The following CEP89 variants were observed in gnomAD, a reference collection of about 807,000 sequenced individuals.
CEP89 encodes the protein centrosomal protein 89.
A neutral mutation model predicts 97.6 loss-of-function variants in CEP89; 95 were observed. The ratio of observed to expected loss-of-function variants is 0.97; its 90% CI spans 0.82 to 1.15. CEP89 has a LOEUF of 1.15. CEP89 is among the 50% of genes most tolerant of loss of function. The pLI is 0.00. For synonymous variants in CEP89, 354 were observed against 349.1 expected (o/e 1.01, Z -0.16); for missense variants, 869 against 947.7 (o/e 0.92, Z 1.09).
chr19:32,891,231 C>T (rs1324583876), intron 16 of CEP89, among the ~76,000 whole-genome samples: 1 of 152,176 alleles, frequency 6.6e-6, no homozygotes, highest in East Asian at 1.9e-4. Context: ...GCTTCCCCTG[C>T]CCAATGCCTC....
intron 8 of CEP89, 30 bp downstream of exon 8, chr19:32,933,421 C>T: frequency 2.0e-6 from 3 of 1,478,010 alleles, no homozygotes; most frequent in Non-Finnish European, 2.8e-6. Context: ...CTGCTCATTC[C>T]TCTAATAAAG....
Position 32,879,157 on chromosome 19 carries a change from A to G in CEP89, c.*5T>C. On this transcript the variant is annotated 3_prime_UTR_variant, in exon 19 of 19. Transcript: ENST00000305768. Reference sequence around the variant, plus strand: ...AGGAGGCTACACCACGGGCTCCCGCAGATTCTAGCAGGTGGGGGCATGAGA... The same window carrying G: ...AGGAGGCTACACCACGGGCTCCCGCGGATTCTAGCAGGTGGGGGCATGAGA... 6.2e-7 allele frequency: 1 copy of G among 1,603,316 alleles called. No homozygotes were observed. Among genetic ancestry groups the G allele is most frequent in the Non-Finnish European group, 8.5e-7 (1 of 1,173,404 alleles).
intron 5 of CEP89, among the ~76,000 whole-genome samples, 182 bp from the exon 6 acceptor site, chr19:32,940,067 A>C (rs1174537597): frequency 6.6e-6 from 1 of 152,102 alleles, no homozygotes; most frequent in Non-Finnish European, 1.5e-5. Context: ...CCTGACTCTA[A>C]ATTGTCATCT....
In CEP89 at chr19:32,959,948, T is replaced by C. The variant is rs778550260; in HGVS notation, c.257A>G (p.Gln86Arg). 3.7e-6 allele frequency: 6 copies of C among 1,614,216 alleles called. No individual in the cohort carries two copies. The East Asian group carries it at 1.3e-4, about 36-fold the overall frequency. Residue 86 changes from glutamine (Q) to arginine (R), a missense_variant, in exon 3 of 19, where the codon CAG (glutamine) becomes CGG (arginine). Physicochemically the swap from Gln to Arg is conservative, Grantham distance 43. Transcript: ENST00000305768. ...GGCATAGGGCTCGATGAAGCTGTCCTGTTCAACACTGCTCACATCACTCTC... is the reference window on the plus strand; with the variant it reads ...GGCATAGGGCTCGATGAAGCTGTCCCGTTCAACACTGCTCACATCACTCTC... ...RSESDVSSVEQDSFIEPYATT... is the reference protein window; with the variant it reads ...RSESDVSSVERDSFIEPYATT...
rs139609192 is a variant in CEP89 at position 32,932,207 on chromosome 19, A to C, written c.887-636T>G. ...CAAAAAAAAAAAAAGAAAGAGAAAAATCATATAGAATACATGGAAAATGTA... is the reference window on the plus strand; with the variant it reads ...CAAAAAAAAAAAAAGAAAGAGAAAACTCATATAGAATACATGGAAAATGTA... On this transcript the variant is annotated intron_variant, in intron 8 of 18. Transcript: ENST00000305768. Among the ~76,000 whole-genome samples, 1,156 of 152,058 alleles carry C rather than the reference A, an allele frequency of 7.6e-3. 4 individuals carry two copies. The highest frequency in any genetic ancestry group is 0.013 in the Non-Finnish European group (859 of 67,990).
rs74954479 is a variant in CEP89, at chr19:32,953,690, T to C, written c.417A>G (p.Glu139=). ...CCTCCCGGGCACTGACATCCCCCAATTCCTTGCCGCTGGATGACAGCTGAG... is the reference window on the plus strand; with the variant it reads ...CCTCCCGGGCACTGACATCCCCCAACTCCTTGCCGCTGGATGACAGCTGAG... The part of the protein sequence containing the change: ...IETQLSSSGK[E]LGDVSAREDR... The change falls in exon 4 of 19, where the codon GAA becomes GAG. Residue 139 remains glutamate (E), a synonymous_variant. Coordinates refer to ENST00000305768, the MANE Select transcript of CEP89 (RefSeq NM_032816.5). 1.2e-4 allele frequency: 189 copies of C among 1,614,014 alleles called. 1 individual carries two copies. In the African/African-American group the frequency reaches 2.3e-3, roughly 20 times the overall value.
intron 4 of CEP89, 57 bp downstream of exon 4, chr19:32,953,558 A>G: frequency 7.2e-7 from 1 of 1,397,818 alleles, no homozygotes; most frequent in Non-Finnish European, 9.8e-7. Context: ...GCACTAATTT[A>G]CCAAAAGTTA....
rs929776350 is a variant in CEP89 at position 32,936,985 on chromosome 19, C to G, written c.667+646G>C. 6.5e-6 allele frequency: 1 copy of G among 154,072 alleles called. No individual in the cohort carries two copies. Among genetic ancestry groups the G allele is most frequent in the Non-Finnish European group, 1.4e-5 (1 of 69,614 alleles). The allele number at this position is 154,072 out of a possible 1,614,324, so 9.5% of individuals were successfully genotyped here. A position where few individuals can be genotyped will look rare whatever the true frequency, so the allele number is the denominator to read the frequency against. On this transcript the variant is annotated intron_variant, in intron 7 of 18. Transcript: ENST00000305768. The surrounding 1 kb of genome is among the most constrained non-coding windows in gnomAD (Gnocchi z 4.5). Reference sequence around the variant, plus strand: ...AACATGCAGTAAAGCTCCTCTTCGTCTTGCTCACCCTCCACTTGTCTGCTT... The same window carrying G: ...AACATGCAGTAAAGCTCCTCTTCGTGTTGCTCACCCTCCACTTGTCTGCTT...
chr19:32,963,952 AC>A (rs1971228341), intron 2 of CEP89: 2 of 67,072 alleles, frequency 3.0e-5, no homozygotes, highest in African/African-American at 1.2e-4. Flanking sequence ...ACACACACAC[AC>A]ACACACACAC....
intron 11 of CEP89, 92 bp downstream of exon 11, chr19:32,926,098 G>A: frequency 1.1e-6 from 1 of 891,066 alleles, no homozygotes; most frequent in Non-Finnish European, 1.9e-6. Context: ...ATAATATGCT[G>A]GGTATACCTA....
intron 5 of CEP89, among the ~76,000 whole-genome samples, chr19:32,942,947 G>A (rs943494403): frequency 7.9e-5 from 12 of 151,130 alleles, no homozygotes; most frequent in African/African-American, 2.9e-4. Flanking sequence ...CCGAGCTCAA[G>A]CGATCTTCCT....
At chr19:32,902,108 T>C (rs182452161) in intron 14 of CEP89, among the ~76,000 whole-genome samples, 1 of 151,934 alleles carries the variant, frequency 6.6e-6, no homozygotes, top group Admixed American at 6.6e-5. Context: ...TACATGGTTA[T>C]AAATGCCAGA....
At chr19:32,941,359 C>T (rs536952903) in intron 5 of CEP89, among the ~76,000 whole-genome samples, 6 of 151,666 alleles carry the variant, frequency 4.0e-5, no homozygotes, top group South Asian at 2.1e-4. Flanking sequence ...AAAAATTAGC[C>T]GGGCATGGTG....
At chr19:32,965,224 C>A (rs1971255466) in intron 2 of CEP89, among the ~76,000 whole-genome samples, 2 of 152,078 alleles carry the variant, frequency 1.3e-5, no homozygotes, top group South Asian at 4.1e-4. Flanking sequence ...CATAGTGAGA[C>A]CTCCATCTCT....
At chr19:32,946,997 T>C (rs1201530389) in intron 5 of CEP89, among the ~76,000 whole-genome samples, 1 of 152,128 alleles carries the variant, frequency 6.6e-6, no homozygotes, top group Non-Finnish European at 1.5e-5. Flanking sequence ...TTTACATAAA[T>C]CTAATATTTA....
intron 16 of CEP89, among the ~76,000 whole-genome samples, chr19:32,889,935 G>A (rs1276858289): frequency 1.3e-5 from 2 of 152,126 alleles, no homozygotes; most frequent in African/African-American, 4.8e-5. Flanking sequence ...GAGAGTGCCA[G>A]GGTTCAGCTG....
chr19:32,940,218 T>A (rs1003677111), intron 5 of CEP89, among the ~76,000 whole-genome samples: 3 of 146,812 alleles, frequency 2.0e-5, no homozygotes, highest in Non-Finnish European at 4.5e-5. Context: ...TCTCCACACA[T>A]CTTCCCATGC....
rs781640704 is a variant in CEP89 at position 32,915,331 on chromosome 19, C to A, written c.1565+6G>T. 2.5e-5 allele frequency: 40 copies of A among 1,572,904 alleles called. No individual in the cohort carries two copies. Among genetic ancestry groups the A allele is most frequent in the Non-Finnish European group, 3.2e-5 (37 of 1,162,370 alleles). ...AAAAAAAAAAGAAAAAACATTAAATCCTTACCTTTTTAATTCATTCACAAT... is the reference window on the plus strand; with the variant it reads ...AAAAAAAAAAGAAAAAACATTAAATACTTACCTTTTTAATTCATTCACAAT... On this transcript the variant is annotated splice_donor_region_variant and intron_variant, in intron 14 of 18. Transcript: ENST00000305768.
intron 2 of CEP89, among the ~76,000 whole-genome samples, chr19:32,965,253 T>C (rs1192208972): frequency 6.6e-6 from 1 of 152,058 alleles, no homozygotes; most frequent in East Asian, 1.9e-4. Flanking sequence ...TTTAAAAAAT[T>C]AGCCAGGCAT....
Sources: allele counts gnomAD v4.1 joint callset (sites outside exome capture counted in the v4.1 genomes callset), GRCh38; gene constraint gnomAD v4.1.1; non-coding constraint Gnocchi (gnomAD v3.1); transcripts MANE v1.5; gene names NCBI Gene and HGNC (gene_info 2026-07-23, HGNC 2026-07-21).